The following ASRGL1 variants were observed in gnomAD, a reference collection of about 807,000 sequenced individuals.
ASRGL1 encodes asparaginase and isoaspartyl peptidase 1.
In ASRGL1, 16 loss-of-function variants were observed where a neutral mutation model predicts 22.4. That is an observed-to-expected ratio of 0.71 (90% confidence interval 0.48 to 1.08). The LOEUF (loss-of-function observed/expected upper bound fraction) is 1.08. Ranked by LOEUF, ASRGL1 falls within the 50% of genes least tolerant of loss-of-function variation. ASRGL1 has a pLI of 0.00. For missense variants in ASRGL1, 412 were observed against 410.1 expected, an observed-to-expected ratio of 1.00 and a Z score of -0.04; for synonymous variants, 165 against 159.3, an observed-to-expected ratio of 1.04 and a Z score of -0.27.
chr11:62,396,922 T>C (rs1242632318), downstream of ASRGL1, among the ~76,000 whole-genome samples: 1 of 152,224 alleles, frequency 6.6e-6, no homozygotes, highest in Non-Finnish European at 1.5e-5. Flanking sequence ...TGAGTCTTCC[T>C]GTCCTATCTC....
chr11:62,384,245 C>G (rs926640596), intron 4 of ASRGL1, among the ~76,000 whole-genome samples: 1 of 152,060 alleles, frequency 6.6e-6, no homozygotes, highest in African/African-American at 2.4e-5. Context: ...TGGCTCACAC[C>G]TTTAATCCCA....
At chr11:62,388,246 G>A (rs553112689) in intron 4 of ASRGL1, among the ~76,000 whole-genome samples, 1 of 152,294 alleles carries the variant, frequency 6.6e-6, no homozygotes, top group Non-Finnish European at 1.5e-5. Context: ...ATCATAGGTG[G>A]CACATGACTG....
intron 4 of ASRGL1, chr11:62,371,557 A>T: frequency 1.4e-6 from 1 of 704,592 alleles, no homozygotes; most frequent in Non-Finnish European, 2.7e-6. Context: ...GTACCCAGGG[A>T]CACAATACAC....
chr11:62,344,169 T>G (rs573443701), intron 2 of ASRGL1, among the ~76,000 whole-genome samples: 1 of 152,260 alleles, frequency 6.6e-6, no homozygotes, highest in African/African-American at 2.4e-5. Context: ...GGGCTGGGAT[T>G]ACAGGTGTGA....
chr11:62,391,873 G>A, intron 6 of ASRGL1: 1 of 737,358 alleles, frequency 1.4e-6, no homozygotes. Context: ...ATTGAGCCTG[G>A]ATGTGGGAGG....
chr11:62,338,331 C>A, intron 2 of ASRGL1, 164 bp downstream of exon 2: 1 of 788,666 alleles, frequency 1.3e-6, no homozygotes, highest in Non-Finnish European at 1.9e-6. Context: ...TGAAAAGAGT[C>A]AAACGCTAAA....
chr11:62,357,863 T>G (rs1309527443), intron 4 of ASRGL1, among the ~76,000 whole-genome samples: 1 of 152,206 alleles, frequency 6.6e-6, no homozygotes, highest in Non-Finnish European at 1.5e-5. Flanking sequence ...GAATTAAATC[T>G]ATTGACTCCG....
intron 4 of ASRGL1, among the ~76,000 whole-genome samples, chr11:62,383,547 G>T (rs1235284035): frequency 7.6e-6 from 1 of 131,634 alleles, no homozygotes; most frequent in African/African-American, 2.9e-5. Context: ...AGCTTGCAGT[G>T]AGCCGAGATC....
At chr11:62,371,222 G>A in intron 4 of ASRGL1, 1 of 1,248,290 alleles carries the variant, frequency 8.0e-7, no homozygotes, top group Non-Finnish European at 1.1e-6. Flanking sequence ...GAAACGTGGC[G>A]GCCCCGCAGC....
At chr11:62,364,431 A>G (rs1199623773) in intron 4 of ASRGL1, among the ~76,000 whole-genome samples, 1 of 152,126 alleles carries the variant, frequency 6.6e-6, no homozygotes, top group Non-Finnish European at 1.5e-5. Flanking sequence ...ATAAAATAGT[A>G]TGGAGGTTCC....
intron 2 of ASRGL1, among the ~76,000 whole-genome samples, chr11:62,351,018 G>A (rs1442368725): frequency 6.6e-6 from 1 of 152,060 alleles, no homozygotes; most frequent in Non-Finnish European, 1.5e-5. Context: ...ATTTTTGAGT[G>A]TATCTCTTTA....
intron 4 of ASRGL1, chr11:62,371,577 C>G (rs1946767329): frequency 5.8e-6 from 4 of 690,164 alleles, no homozygotes; most frequent in South Asian, 2.7e-5. Context: ...CTGCGGAAGG[C>G]CACAGGGACT....
intron 2 of ASRGL1, among the ~76,000 whole-genome samples, chr11:62,353,006 G>T (rs1296279351): frequency 3.3e-5 from 5 of 152,032 alleles, no homozygotes; most frequent in Admixed American, 2.6e-4. Flanking sequence ...TTATTTTTTT[G>T]AATACTTCTC....
Position 62,375,428 on chromosome 11 carries a change from T to TTATATA in ASRGL1, c.492-13657_492-13652dup, listed in dbSNP as rs71053051. Among the ~76,000 whole-genome samples the TTATATA allele has an allele frequency of 4.7e-3, 321 of 68,862 alleles. 2 individuals carry two copies. Among genetic ancestry groups the TTATATA allele is most frequent in the African/African-American group, 6.5e-3 (153 of 23,480 alleles). 45.2% of individuals were successfully genotyped at this position (68,862 alleles called of 152,430 possible). On this transcript the variant is annotated intron_variant, in intron 4 of 6. Transcript: ENST00000415229. ...GGTTTAGTGCTGTAATTGTCTTACT[T>TTATATA]TATATATATATATATATATATATAT...
chr11:62,357,207 C>T, intron 4 of ASRGL1, 63 bp downstream of exon 4: 1 of 1,418,564 alleles, frequency 7.0e-7, no homozygotes, highest in Non-Finnish European at 9.6e-7. Flanking sequence ...TTGGCAAATA[C>T]CTGGTTATCT....
chr11:62,387,196 C>G (rs1471340166), intron 4 of ASRGL1, among the ~76,000 whole-genome samples: 3 of 152,020 alleles, frequency 2.0e-5, no homozygotes, highest in Non-Finnish European at 2.9e-5. Context: ...AGCCACAGCG[C>G]CTGGCCAAGA....
intron 4 of ASRGL1, 110 bp downstream of exon 4, chr11:62,357,254 G>GTTTTGTTTTT (rs994234755): frequency 8.2e-7 from 1 of 1,216,540 alleles, no homozygotes; most frequent in Admixed American, 2.6e-5. Context: ...GTTTTGTTTT[G>GTTTTGTTTTT]TTTTGTTTTG....
intron 4 of ASRGL1, among the ~76,000 whole-genome samples, chr11:62,377,294 G>A (rs1277846327): frequency 6.6e-6 from 1 of 152,148 alleles, no homozygotes; most frequent in Non-Finnish European, 1.5e-5. Context: ...ACAGTTTGTT[G>A]TAATAAATTG....
At chr11:62,400,869 G>T in the ASRGL1 span, among the ~76,000 whole-genome samples, 4 of 152,300 alleles carry the variant, frequency 2.6e-5, no homozygotes, top group Admixed American at 2.6e-4. Context: ...GATGCCAGAG[G>T]AATTAGAGAC....
Sources: gnomAD v4.1 joint callset for allele counts (sites outside exome capture counted in the v4.1 genomes callset) on GRCh38, gnomAD v4.1.1 for gene constraint, MANE v1.5 for transcripts, NCBI Gene and HGNC (gene_info 2026-07-23, HGNC 2026-07-21) for gene names.